The following NOP16 variants were observed in gnomAD, a reference collection of about 807,000 sequenced individuals.
NOP16 encodes NOP16 nucleolar protein.
Under a neutral mutation model 22.7 loss-of-function variants are expected in NOP16, and 14 were observed. The ratio of observed to expected loss-of-function variants is 0.62; its 90% CI spans 0.41 to 0.97. NOP16 has a LOEUF of 0.97. Among genes scored for constraint, NOP16 ranks in the 50% least tolerant of loss-of-function variants. The pLI is 0.00. For missense variants in NOP16, 198 were observed against 235.9 expected, an observed-to-expected ratio of 0.84 and a Z score of 1.05; for synonymous variants, 80 against 83.6, an observed-to-expected ratio of 0.96 and a Z score of 0.23.
At chr5:176,386,015 A>G (rs1755818395) in intron 3 of NOP16, 1 of 152,562 alleles carries the variant, frequency 6.6e-6, no homozygotes, top group South Asian at 2.1e-4. Context: ...CACGGTTGCC[A>G]GGGGCTGGAG....
In NOP16 at chr5:176,384,987, C is replaced by T; in HGVS notation, c.393+234G>A. ...AAAACAAAAACAAACCAAAAAACAC[C>T]ATGCGAGCAAAACATTTATCTGTGA... is the stretch of plus-strand genomic sequence containing the variant. On this transcript the variant is annotated intron_variant, in intron 4 of 4. Transcript: ENST00000614830. The T allele has an allele frequency of 5.2e-6, 3 of 574,210 alleles. No homozygotes were observed. The East Asian group carries it at 8.3e-5, about 16-fold the overall frequency. The allele number at this position is 574,210 out of a possible 1,614,324, so 35.6% of individuals were successfully genotyped here.
intron 2 of NOP16, 104 bp from the exon 3 acceptor site, chr5:176,387,013 C>A: frequency 1.0e-6 from 1 of 964,794 alleles, no homozygotes; most frequent in East Asian, 2.4e-5. Context: ...AATCCCTGCC[C>A]ACGGTTAGGT....
intron 2 of NOP16, 164 bp from the exon 3 acceptor site, chr5:176,387,073 TC>T (rs1755908665): frequency 6.8e-6 from 4 of 590,810 alleles, no homozygotes; most frequent in Non-Finnish European, 1.2e-5. Context: ...TTTCTCTCTC[TC>T]TCTCTTTTTT....
intron 3 of NOP16, chr5:176,386,531 T>C: frequency 2.3e-6 from 1 of 425,676 alleles, no homozygotes; most frequent in South Asian, 2.1e-5. Flanking sequence ...AATCAGTTCA[T>C]CCTTAAATTC....
At chr5:176,386,998 A>C in intron 2 of NOP16, 89 bp from the exon 3 acceptor site, 2 of 1,137,050 alleles carry the variant, frequency 1.8e-6, no homozygotes, top group Non-Finnish European at 2.7e-6. Context: ...CTACTAACCC[A>C]TAAGAATCCC....
At chr5:176,385,748 C>T (rs1334812736) in intron 3 of NOP16, among the ~76,000 whole-genome samples, 1 of 152,174 alleles carries the variant, frequency 6.6e-6, no homozygotes, top group Non-Finnish European at 1.5e-5. Context: ...TGAAATGGGA[C>T]GGTCTAAATA....
chr5:176,386,934 C>T (rs766535187), intron 2 of NOP16, 25 bp from the exon 3 acceptor site: 4 of 1,605,624 alleles, frequency 2.5e-6, no homozygotes, highest in South Asian at 2.2e-5. Context: ...GCCCTTGAGA[C>T]CAGAAGGATC....
chr5:176,388,460 C>A lies in NOP16; in HGVS notation c.80G>T (p.Arg27Leu). 1 of 1,614,236 alleles carries A rather than the reference C, an allele frequency of 6.2e-7. No individual in the cohort carries two copies. Among genetic ancestry groups the A allele is most frequent in the Non-Finnish European group, 8.5e-7 (1 of 1,180,048 alleles). ...VNRKRLNRNA[R>L]RKAAPRIECS... ...TTCGATCCGCGGCGCTGCCTTCCGTCGAGCATTCCGGTTCAGACGCTTTCG... is the reference window on the plus strand; with the variant it reads ...TTCGATCCGCGGCGCTGCCTTCCGTAGAGCATTCCGGTTCAGACGCTTTCG... Residue 27 changes from arginine to leucine, a missense_variant, in exon 1 of 5, where the codon CGA (arginine) becomes CTA (leucine). Coordinates refer to ENST00000614830, the MANE Select transcript of NOP16 (RefSeq NM_016391.8).
rs888548631 is a variant in NOP16, at chr5:176,388,304, T to C, written c.147A>G (p.Val49=). The change falls in exon 2 of 5, where the codon GTA becomes GTG. Residue 49 remains valine, a synonymous_variant. Transcript: ENST00000614830. ...IRHAWDHAKS[V]RQNLAEMGLA... ...ACCCCATCTCGGCCAGGTTCTGCCG[T>C]ACCGATTTAGCGTGGTCCCAGGCAT... The C allele has an allele frequency of 6.2e-7, 1 of 1,614,186 alleles. No individual in the cohort carries two copies. Among genetic ancestry groups the C allele is most frequent in the Non-Finnish European group, 8.5e-7 (1 of 1,180,028 alleles).
intron 3 of NOP16, 28 bp from the exon 4 acceptor site, chr5:176,385,355 A>G (rs1755757692): frequency 7.6e-7 from 1 of 1,313,614 alleles, no homozygotes; most frequent in Middle Eastern, 1.8e-4. Context: ...GCGGGGAGAC[A>G]GGGAATGAGG....
rs1243703652 is a variant in NOP16, at chr5:176,388,089, G to A, written c.216+146C>T. The A allele has an allele frequency of 6.4e-6, 4 of 623,316 alleles. No individual in the cohort carries two copies. In the East Asian group the frequency reaches 8.2e-5, roughly 13 times the overall value. The allele number at this position is 623,316 out of a possible 1,614,324, so 38.6% of individuals were successfully genotyped here. A position where few individuals can be genotyped will look rare whatever the true frequency, so the allele number is the denominator to read the frequency against. ...GGTCGTAAAGAGACCCTTGCTCAAC[G>A]TCAGTTGAGCGTTCTGACTGTGGGG... On this transcript the variant is annotated intron_variant, in intron 2 of 4. Coordinates refer to ENST00000614830, the MANE Select transcript of NOP16 (RefSeq NM_016391.8).
chr5:176,386,948 G>C, intron 2 of NOP16, 39 bp from the exon 3 acceptor site: 1 of 1,574,030 alleles, frequency 6.4e-7, no homozygotes. Flanking sequence ...AAGGATCTTT[G>C]ATGAGGGAAA....
chr5:176,386,593 C>T (rs1222571065), intron 3 of NOP16: 7 of 581,966 alleles, frequency 1.2e-5, no homozygotes, highest in Non-Finnish European at 2.2e-5. Flanking sequence ...TCTATTCTCC[C>T]AGGCACCTGG....
intron 3 of NOP16, chr5:176,386,332 C>A: frequency 5.4e-6 from 1 of 185,194 alleles, no homozygotes. Flanking sequence ...CATTCAAATC[C>A]TTTATCTTTA....
chr5:176,385,530 C>T (rs1027257889), intron 3 of NOP16, among the ~76,000 whole-genome samples: 4 of 152,168 alleles, frequency 2.6e-5, no homozygotes, highest in Non-Finnish European at 5.9e-5. Context: ...TCCTATGACC[C>T]ACTCATCTAC....
Position 176,388,257 on chromosome 5 carries a change from G to A in NOP16, c.194C>T (p.Ala65Val), listed in dbSNP as rs376625530. 1 of 1,613,452 alleles carries A rather than the reference G, an allele frequency of 6.2e-7. No homozygotes were observed. The highest frequency in any genetic ancestry group is 8.5e-7 in the Non-Finnish European group (1 of 1,179,398). ...TACCTTTCTCTTACGGAGGGGCACC[G>A]CCCTGTTGGGGTCCACAGCCAACCC... ...EMGLAVDPNR[A>V]VPLRKRKVKA... Residue 65 changes from alanine (A) to valine (V), a missense_variant, in exon 2 of 5, where the codon GCG becomes GTG. By Grantham distance (64) the Ala-to-Val change is moderately conservative. Transcript: ENST00000614830.
intron 4 of NOP16, 195 bp downstream of exon 4, chr5:176,385,026 C>T (rs969568952): frequency 1.4e-5 from 8 of 592,130 alleles, no homozygotes; most frequent in African/African-American, 1.1e-4. Context: ...AGACTGGAAC[C>T]AAGGTCACTC....
At position 176,388,317 on chromosome 5, in the gene NOP16, T is replaced by G; in HGVS notation, c.134A>C (p.His45Pro). The change falls in exon 2 of 5, where the codon CAC becomes CCC. Residue 45 changes from histidine to proline, a missense_variant. Coordinates refer to ENST00000614830, the MANE Select transcript of NOP16 (RefSeq NM_016391.8). The stretch of plus-strand genomic sequence containing the variant: ...CAGGTTCTGCCGTACCGATTTAGCG[T>G]GGTCCCAGGCATGTCGGATGTGGGA... Reference protein sequence around the residue: ...ECSHIRHAWDHAKSVRQNLAE... With the variant: ...ECSHIRHAWDPAKSVRQNLAE... 1 of 1,614,174 alleles carries G rather than the reference T, an allele frequency of 6.2e-7. No individual in the cohort carries two copies.
At chr5:176,384,419 G>C in intron 4 of NOP16, 45 bp from the exon 5 acceptor site, 1 of 1,568,882 alleles carries the variant, frequency 6.4e-7, no homozygotes, top group African/African-American at 1.4e-5. Context: ...ACAGGCAAAG[G>C]CTCAAATCTG....
Sources: gnomAD v4.1 joint callset for allele counts (sites outside exome capture counted in the v4.1 genomes callset) on GRCh38, gnomAD v4.1.1 for gene constraint, MANE v1.5 for transcripts, NCBI Gene and HGNC (gene_info 2026-07-23, HGNC 2026-07-21) for gene names.